The following TUSC3 variants were observed in gnomAD, a reference collection of about 807,000 sequenced individuals.
TUSC3 encodes dolichyl-diphosphooligosaccharide--protein glycosyltransferase subunit TUSC3.
In TUSC3, 45 loss-of-function variants were observed where a neutral mutation model predicts 44.8. That is an observed-to-expected ratio of 1.00 (90% CI 0.79 to 1.29). The LOEUF (loss-of-function observed/expected upper bound fraction) is 1.29, where lower values mean the gene tolerates loss of function less well. Among genes scored for constraint, TUSC3 ranks in the 50% most tolerant of loss-of-function variants. TUSC3 has a pLI of 0.00. For synonymous variants in TUSC3, 212 were observed against 152.9 expected (o/e 1.39, Z -2.85); for missense variants, 519 against 437.9 (o/e 1.19, Z -1.65).
At chr8:15,724,340 C>T (rs979206876) in intron 6 of TUSC3, among the ~76,000 whole-genome samples, 3 of 152,180 alleles carry the variant, frequency 2.0e-5, no homozygotes, top group East Asian at 1.9e-4. Context: ...TAAAAATAAA[C>T]TGAATCTGTC....
At chr8:15,735,875 T>TTTTTTTTTG (rs1554484145) in intron 7 of TUSC3, among the ~76,000 whole-genome samples, 6 of 33,428 alleles carry the variant, frequency 1.8e-4, no homozygotes, top group East Asian at 1.3e-3. Flanking sequence ...AATGGGTTTT[T>TTTTTTTTTG]TTTTTTTGTT....
intron 1 of TUSC3, among the ~76,000 whole-genome samples, chr8:15,479,334 T>C (rs1313444655): frequency 6.6e-6 from 1 of 152,188 alleles, no homozygotes; most frequent in Non-Finnish European, 1.5e-5. Context: ...TTGCTTTTGA[T>C]GTTTTTGTCA....
chr8:15,509,816 T>C (rs1801107959), intron 2 of TUSC3, among the ~76,000 whole-genome samples: 1 of 152,206 alleles, frequency 6.6e-6, no homozygotes, highest in African/African-American at 2.4e-5. Context: ...AATGTGAATC[T>C]ATGAGGAGAC....
chr8:15,821,666 A>C, the TUSC3 span, among the ~76,000 whole-genome samples: 2 of 152,062 alleles, frequency 1.3e-5, no homozygotes, highest in African/African-American at 4.8e-5. Flanking sequence ...AAAACCATAA[A>C]AGCAAACACC....
chr8:15,819,142 A>G, the TUSC3 span, among the ~76,000 whole-genome samples: 1 of 152,128 alleles, frequency 6.6e-6, no homozygotes, highest in Admixed American at 6.5e-5. Context: ...CTCCATCACC[A>G]CGAGTCATAG....
Position 15,559,677 on chromosome 8 carries a change from C to G in TUSC3, c.138+19109C>G, listed in dbSNP as rs1417137838. Among the ~76,000 whole-genome samples the G allele has an allele frequency of 2.2e-5, 3 of 135,278 alleles. No homozygotes were observed. The Admixed American group carries it at 2.2e-4, about 10-fold the overall frequency. The allele number at this position is 135,278 out of a possible 152,430, so 88.7% of individuals were successfully genotyped here. On this transcript the variant is annotated intron_variant, in intron 1 of 10. Coordinates refer to ENST00000503731, the MANE Select transcript of TUSC3 (RefSeq NM_006765.4). ...GTCACTCAGGACTTGCTTTATGAAT[C>G]TTGGTGCTCCTGTATTGGGTGCATA...
intron 1 of TUSC3, among the ~76,000 whole-genome samples, chr8:15,561,312 G>A (rs549242869): frequency 1.6e-4 from 23 of 148,096 alleles, no homozygotes; most frequent in African/African-American, 5.7e-4. Context: ...CAGTTCGGCT[G>A]CTAGGAGGTC....
chr8:15,668,105 G>C (rs1342147293), intron 5 of TUSC3, among the ~76,000 whole-genome samples: 1 of 151,746 alleles, frequency 6.6e-6, no homozygotes, highest in Non-Finnish European at 1.5e-5. Flanking sequence ...CTGCAGTGAG[G>C]TGGAAGGATT....
the TUSC3 span, among the ~76,000 whole-genome samples, chr8:15,850,013 T>C: frequency 1.2e-3 from 177 of 152,248 alleles, 1 homozygote; most frequent in Middle Eastern, 3.4e-3. Flanking sequence ...CATCTTCGAC[T>C]TCCTCTGTCT....
At chr8:15,630,156 T>G (rs1805696634) in intron 2 of TUSC3, among the ~76,000 whole-genome samples, 1 of 152,160 alleles carries the variant, frequency 6.6e-6, no homozygotes, top group African/African-American at 2.4e-5. Context: ...GGAAGGATGT[T>G]ACTATGGATC....
intron 1 of TUSC3, among the ~76,000 whole-genome samples, chr8:15,443,202 G>A (rs758463568): frequency 6.6e-5 from 10 of 150,794 alleles, no homozygotes; most frequent in Non-Finnish European, 1.3e-4. Context: ...ATCTCACACT[G>A]TCACCCAGGC....
chr8:15,484,098 T>G (rs532606818), intron 2 of TUSC3, among the ~76,000 whole-genome samples: 3 of 152,360 alleles, frequency 2.0e-5, no homozygotes, highest in African/African-American at 7.2e-5. Flanking sequence ...AATATTTACA[T>G]GCACTTATGC....
chr8:15,445,018 G>C (rs1800074749), intron 1 of TUSC3, among the ~76,000 whole-genome samples: 1 of 152,178 alleles, frequency 6.6e-6, no homozygotes, highest in Non-Finnish European at 1.5e-5. Flanking sequence ...TTAGGTACCA[G>C]AGAACTAGGC....
chr8:15,622,555 G>A (rs1805297609), intron 1 of TUSC3, among the ~76,000 whole-genome samples: 1 of 152,146 alleles, frequency 6.6e-6, no homozygotes, highest in Non-Finnish European at 1.5e-5. Flanking sequence ...TCCCAGACTA[G>A]CCACCATAAT....
intron 4 of TUSC3, among the ~76,000 whole-genome samples, chr8:15,661,785 A>T (rs1277022062): frequency 1.6e-5 from 2 of 125,788 alleles, no homozygotes; most frequent in African/African-American, 6.1e-5. Context: ...TCTATAAGAT[A>T]CTTACAGCTA....
chr8:15,428,617 C>A (rs1799834614), intron 1 of TUSC3, among the ~76,000 whole-genome samples: 1 of 152,174 alleles, frequency 6.6e-6, no homozygotes, highest in African/African-American at 2.4e-5. Flanking sequence ...TTCTCCACAT[C>A]ATCTCCAGCA....
chr8:15,563,786 A>G (rs1294026385), intron 1 of TUSC3, among the ~76,000 whole-genome samples: 1 of 151,952 alleles, frequency 6.6e-6, no homozygotes, highest in Non-Finnish European at 1.5e-5. Flanking sequence ...ATTGCATGAT[A>G]CTGAGAAAAT....
chr8:15,736,102 T>G (rs1006032958), intron 7 of TUSC3, among the ~76,000 whole-genome samples: 1 of 152,146 alleles, frequency 6.6e-6, no homozygotes, highest in Middle Eastern at 3.4e-3. Context: ...CAAATGTGTG[T>G]GGGGATATGT....
At chr8:15,507,441 A>T (rs958055228) in intron 2 of TUSC3, among the ~76,000 whole-genome samples, 5 of 152,224 alleles carry the variant, frequency 3.3e-5, no homozygotes, top group Admixed American at 3.3e-4. Flanking sequence ...TATTTGCTAA[A>T]AGGCAGATAG....
Sources: allele counts gnomAD v4.1 joint callset (sites outside exome capture counted in the v4.1 genomes callset), GRCh38; gene constraint gnomAD v4.1.1; transcripts MANE v1.5; gene names NCBI Gene and HGNC (gene_info 2026-07-23, HGNC 2026-07-21).